SOX5: variants seen among roughly 807,000 people sequenced by gnomAD.
SOX5 encodes transcription factor SOX-5.
A neutral mutation model predicts 92.0 loss-of-function variants in SOX5; 9 were observed. That is an observed-to-expected ratio of 0.10 (90% CI 0.06 to 0.17). The LOEUF (loss-of-function observed/expected upper bound fraction) is 0.17. SOX5 is among the 10% of genes least tolerant of loss of function. The pLI, the probability that SOX5 is intolerant of heterozygous loss-of-function variation, is 1.00. For synonymous variants in SOX5, 344 were observed against 336.3 expected (o/e 1.02, Z -0.25); for missense variants, 642 against 944.5 (o/e 0.68, Z 4.20).
chr12:23,799,563 G>A (rs553950063), intron 3 of SOX5, among the ~76,000 whole-genome samples: 2 of 152,078 alleles, frequency 1.3e-5, no homozygotes, highest in Non-Finnish European at 2.9e-5. Flanking sequence ...AATATCCGAA[G>A]TGAAAACATT....
intron 1 of SOX5, among the ~76,000 whole-genome samples, chr12:24,489,492 G>C (rs1004905691): frequency 3.3e-5 from 5 of 152,150 alleles, no homozygotes; most frequent in Admixed American, 2.6e-4. Context: ...GGCCCAGAGA[G>C]AGCATGCCTT....
Position 24,497,854 on chromosome 12 carries a change from G to T in SOX5, c.-251+64475C>A, listed in dbSNP as rs1271144114. Among the ~76,000 whole-genome samples the T allele has an allele frequency of 3.3e-5, 5 of 152,258 alleles. No individual in the cohort carries two copies. The East Asian group carries it at 9.6e-4, about 29-fold the overall frequency. On this transcript the variant is annotated intron_variant, in intron 1 of 4. Coordinates refer to the SOX5 transcript ENST00000446891. ...GAAAATGTGGTACATATGCACCATG[G>T]CATACTATGCAGCCATAAAAAGAAT...
chr12:24,127,372 T>C (rs1233529462), intron 4 of SOX5, among the ~76,000 whole-genome samples: 3 of 150,154 alleles, frequency 2.0e-5, no homozygotes, highest in East Asian at 2.0e-4. Context: ...GCCTGGGTAA[T>C]AGAGCTAGAC....
chr12:23,991,190 C>CAAA (rs35062844), intron 4 of SOX5, among the ~76,000 whole-genome samples: 1 of 141,644 alleles, frequency 7.1e-6, no homozygotes, highest in Non-Finnish European at 1.5e-5. Context: ...CCCGTCTCTG[C>CAAA]AAAAAAAAAA....
At chr12:23,695,933 TC>T (rs1250005450) in intron 6 of SOX5, among the ~76,000 whole-genome samples, 13 of 79,896 alleles carry the variant, frequency 1.6e-4, no homozygotes, top group Non-Finnish European at 2.5e-4. Flanking sequence ...AGAGCGAGAC[TC>T]TGTCTCAAAA....
rs562971551 is a variant in SOX5, at chr12:23,594,861, C to T, written c.1164+9526G>A. Among the ~76,000 whole-genome samples, 95 of 152,242 alleles carry T rather than the reference C, an allele frequency of 6.2e-4. No individual in the cohort carries two copies. The Middle Eastern group carries it at 0.014, about 22-fold the overall frequency. ...TAGAGTCTTTGCAATTACTTTCCCT[C>T]CTGTTTAGAATAACCTTTCCTTAGA... is the stretch of plus-strand genomic sequence containing the variant. On this transcript the variant is annotated intron_variant, in intron 9 of 14. Transcript: ENST00000451604.
chr12:23,779,814 TAC>T (rs1555337311), intron 3 of SOX5, among the ~76,000 whole-genome samples: 1,489 of 110,740 alleles, frequency 0.013, 24 homozygotes, highest in South Asian at 0.064. Flanking sequence ...TATATATATA[TAC>T]ACACACACAC....
chr12:23,868,535 A>G (rs1195084638), intron 2 of SOX5, among the ~76,000 whole-genome samples: 3 of 152,070 alleles, frequency 2.0e-5, no homozygotes, highest in Non-Finnish European at 4.4e-5. Context: ...ATTCAACCCT[A>G]AGTTATATGT....
rs573381333 is a variant in SOX5 at position 24,441,725 on chromosome 12, A to C, written c.-250-73086T>G. Among the ~76,000 whole-genome samples the C allele has an allele frequency of 2.6e-5, 4 of 152,340 alleles. No homozygotes were observed. In the East Asian group the frequency reaches 7.7e-4, roughly 29 times the overall value. On this transcript the variant is annotated intron_variant, in intron 1 of 4. Coordinates refer to the SOX5 transcript ENST00000446891. The stretch of plus-strand genomic sequence containing the variant: ...ACAATGGGGGGAAAAAGAAATAATT[A>C]AGTGTTCTGAAGCACTGTATCAGCA...
At chr12:24,335,972 C>CATATATATATATATATATATATAT (rs57461232) in intron 2 of SOX5, among the ~76,000 whole-genome samples, 1,998 of 58,320 alleles carry the variant, frequency 0.034, 288 homozygotes, top group East Asian at 0.072. Context: ...GAAATGCTAT[C>CATATATATATATATATATATATAT]ATATATATAT....
At chr12:23,926,157 G>T (rs1305727352) in intron 1 of SOX5, among the ~76,000 whole-genome samples, 3 of 152,054 alleles carry the variant, frequency 2.0e-5, no homozygotes, top group Non-Finnish European at 4.4e-5. Context: ...TGAATCTGTA[G>T]ATGTACTCCT....
intron 3 of SOX5, among the ~76,000 whole-genome samples, chr12:24,259,003 T>C (rs1941679205): frequency 6.6e-6 from 1 of 152,218 alleles, no homozygotes; most frequent in Admixed American, 6.5e-5. Flanking sequence ...TGGAAGACAC[T>C]ATCTTTTCAG....
chr12:23,856,682 T>C (rs1236609225), intron 2 of SOX5, among the ~76,000 whole-genome samples: 1 of 152,116 alleles, frequency 6.6e-6, no homozygotes, highest in Non-Finnish European at 1.5e-5. Flanking sequence ...TGGTTTTCTC[T>C]CTCTTCAAAG....
At chr12:23,652,361 T>C (rs1213051836) in intron 7 of SOX5, among the ~76,000 whole-genome samples, 3 of 152,070 alleles carry the variant, frequency 2.0e-5, no homozygotes, top group African/African-American at 4.8e-5. Context: ...CATCCCTTCC[T>C]TAAATATTGG....
At chr12:23,940,410 C>G (rs1406731579) in intron 1 of SOX5, among the ~76,000 whole-genome samples, 1 of 151,108 alleles carries the variant, frequency 6.6e-6, no homozygotes, top group East Asian at 1.9e-4. Context: ...TAAAGGCTGG[C>G]TATAGAGATA....
chr12:23,567,543 C>T (rs190439177), intron 10 of SOX5, among the ~76,000 whole-genome samples: 1 of 147,986 alleles, frequency 6.8e-6, no homozygotes, highest in African/African-American at 2.5e-5. Context: ...TCACTGCAAC[C>T]TTGAACTTCT....
chr12:24,040,981 G>A (rs1403150289), intron 4 of SOX5, among the ~76,000 whole-genome samples: 1 of 152,114 alleles, frequency 6.6e-6, no homozygotes, highest in Non-Finnish European at 1.5e-5. Context: ...CTTCGTGACT[G>A]GGGGGAAACA....
Position 23,690,133 on chromosome 12 carries a change from G to A in SOX5, c.811-24569C>T, listed in dbSNP as rs78691890. Among the ~76,000 whole-genome samples, 1,281 of 152,198 alleles carry A rather than the reference G, an allele frequency of 8.4e-3. 18 individuals are homozygous for A. Among genetic ancestry groups the A allele is most frequent in the African/African-American group, 0.029 (1,217 of 41,538 alleles). On this transcript the variant is annotated intron_variant, in intron 6 of 14. Coordinates refer to ENST00000451604, the MANE Select transcript of SOX5 (RefSeq NM_006940.6). ...TCAGGCCTCACTTTCTCCAGCAAGC[G>A]GTCCCTGAGTCCTTATTCATGCCCC...
intron 4 of SOX5, among the ~76,000 whole-genome samples, chr12:24,199,686 G>A (rs1347836134): frequency 2.0e-5 from 3 of 152,128 alleles, no homozygotes; most frequent in East Asian, 1.9e-4. Flanking sequence ...TGCTTATGTT[G>A]GAGACAAGAC....
Sources: gnomAD v4.1 joint callset for allele counts (sites outside exome capture counted in the v4.1 genomes callset) on GRCh38, gnomAD v4.1.1 for gene constraint, MANE v1.5 for transcripts, NCBI Gene and HGNC (gene_info 2026-07-23, HGNC 2026-07-21) for gene names.